Variants in CPNE2 observed in about 807,000 individuals in gnomAD.
CPNE2 encodes the protein copine-2.
Under a neutral mutation model 69.7 loss-of-function variants are expected in CPNE2, and 42 were observed. The observed-to-expected ratio is 0.60, with a 90% CI of 0.47 to 0.78. The LOEUF is 0.78. Among genes scored for constraint, CPNE2 ranks in the 30% least tolerant of loss-of-function variants. The probability of loss-of-function intolerance (pLI) is 0.00; values close to 1 mark genes in which losing one functional copy is unlikely to be tolerated. For synonymous variants in CPNE2, 294 were observed against 289.8 expected, an observed-to-expected ratio of 1.01 and a Z score of -0.15; for missense variants, 587 against 732.0, an observed-to-expected ratio of 0.80 and a Z score of 2.29.
chr16:57,132,881 C>T (rs1449655216), intron 12 of CPNE2, among the ~76,000 whole-genome samples: 1 of 152,050 alleles, frequency 6.6e-6, no homozygotes, highest in Non-Finnish European at 1.5e-5. Context: ...AGATGGACAA[C>T]CTTCCACAGC....
In CPNE2 at chr16:57,146,657, G is replaced by C; in HGVS notation, c.1539+336G>C. 3.9e-6 allele frequency: 1 copy of C among 258,094 alleles called. No homozygotes were observed. The highest frequency in any genetic ancestry group is 7.5e-6 in the Non-Finnish European group (1 of 133,494). The allele number at this position is 258,094 out of a possible 1,614,324, so 16.0% of individuals were successfully genotyped here. A position where few individuals can be genotyped will look rare whatever the true frequency, so the allele number is the denominator to read the frequency against. On this transcript the variant is annotated intron_variant, in intron 15 of 15. Coordinates refer to ENST00000290776, the MANE Select transcript of CPNE2 (RefSeq NM_152727.6). The surrounding 1 kb of genome is among the most constrained non-coding windows in gnomAD (Gnocchi z 4.4). ...GGCTATCCATGTGGTGTAAAGTGCA[G>C]GAGGAGAGAGGGGTTTTCCTGATCA...
Position 57,110,857 on chromosome 16 carries a change from G to A in CPNE2, c.115G>A (p.Asp39Asn), listed in dbSNP as rs779147790. 6.8e-6 allele frequency: 11 copies of A among 1,613,844 alleles called. No homozygotes were observed. Residue 39 changes from aspartate (D) to asparagine (N), a missense_variant, in exon 2 of 16, where the codon GAT becomes AAT. By Grantham distance (23) the Asp-to-Asn change is conservative. This residue lies in a region of CPNE2 where 96 missense variants were observed against 94.9 expected (regional missense o/e 1.01). Coordinates refer to ENST00000290776, the MANE Select transcript of CPNE2 (RefSeq NM_152727.6). ...GAGTGGCCAGAACCTACTGGACCGG[G>A]ATGTTACCTCCAAGTCCGACCCCTT... ...SVSGQNLLDR[D>N]VTSKSDPFCV...
rs547794122 is a variant in CPNE2, at chr16:57,140,050, A to G, written c.1302+2768A>G. Among the ~76,000 whole-genome samples, 73 of 152,306 alleles carry G rather than the reference A, an allele frequency of 4.8e-4. No individual in the cohort carries two copies. The South Asian group carries it at 0.015, about 31-fold the overall frequency. ...AACAGGAAGCGCAGGGCGTGGAGGCAGCACCCGGCCAGAAGGAGCTCAGAG... is the reference window on the plus strand; with the variant it reads ...AACAGGAAGCGCAGGGCGTGGAGGCGGCACCCGGCCAGAAGGAGCTCAGAG... On this transcript the variant is annotated intron_variant, in intron 14 of 15. Transcript: ENST00000290776.
rs570938432 is a variant in CPNE2 at position 57,116,024 on chromosome 16, C to T, written c.435+474C>T. Among the ~76,000 whole-genome samples, 5 of 152,314 alleles carry T rather than the reference C, an allele frequency of 3.3e-5. No individual in the cohort carries two copies. The East Asian group carries it at 9.7e-4, about 29-fold the overall frequency. ...AAGTTCCCTGGGGCAGCTGAGCTAG[C>T]GAGATCGTCCCCTGGTTGTCTGGCT... is the stretch of plus-strand genomic sequence containing the variant. On this transcript the variant is annotated intron_variant, in intron 4 of 15. Transcript: ENST00000290776.
chr16:57,124,294 C>G (rs1157856720), intron 10 of CPNE2: 1 of 423,396 alleles, frequency 2.4e-6, no homozygotes, highest in Non-Finnish European at 4.8e-6. Flanking sequence ...GTTGCCCAGG[C>G]TGGTCTCAAA....
chr16:57,093,866 C>T (rs1205183920), intron 1 of CPNE2: 3 of 350,076 alleles, frequency 8.6e-6, no homozygotes, highest in South Asian at 6.2e-5. Flanking sequence ...GCGGTGTGCG[C>T]AGATTGTAAT....
chr16:57,116,551 C>CTGAA (rs373922362), intron 4 of CPNE2, among the ~76,000 whole-genome samples: 30 of 152,254 alleles, frequency 2.0e-4, no homozygotes, highest in Admixed American at 7.2e-4. Context: ...AACCCCATCT[C>CTGAA]TGAATGAATG....
intron 5 of CPNE2, among the ~76,000 whole-genome samples, chr16:57,118,454 T>A (rs1307712810): frequency 2.6e-5 from 4 of 152,028 alleles, no homozygotes; most frequent in Non-Finnish European, 4.4e-5. Context: ...ATTACAGGCT[T>A]GAGCCACCAT....
chr16:57,119,220 T>C lies in CPNE2; in HGVS notation c.533T>C (p.Phe178Ser), dbSNP rs370738891. 3 of 1,614,058 alleles carry C rather than the reference T, an allele frequency of 1.9e-6. No individual in the cohort carries two copies. The highest frequency in any genetic ancestry group is 2.5e-6 in the Non-Finnish European group (3 of 1,179,988). Residue 178 changes from phenylalanine (F) to serine (S), a missense_variant, in exon 6 of 16, where the codon TTT (phenylalanine) becomes TCT (serine). Physicochemically the swap from Phe to Ser is radical, Grantham distance 155. Around this residue, in one of 5 missense-constraint regions of CPNE2, gnomAD observed 269 missense variants for 300.5 expected, o/e 0.90. Coordinates refer to ENST00000290776, the MANE Select transcript of CPNE2 (RefSeq NM_152727.6). ...KKDLFGKSDP[F>S]LEFYKPGDDG... ...GACCTCTTTGGGAAGTCAGACCCCT[T>C]TCTGGAGTTTTATAAGCCAGGAGAC...
At chr16:57,104,067 C>G (rs2069633045) in intron 1 of CPNE2, among the ~76,000 whole-genome samples, 1 of 152,176 alleles carries the variant, frequency 6.6e-6, no homozygotes, top group Non-Finnish European at 1.5e-5. Context: ...AGGGCACACA[C>G]CACCACGCCC....
At chr16:57,141,375 C>T (rs1258095579) in intron 14 of CPNE2, 1 of 152,308 alleles carries the variant, frequency 6.6e-6, no homozygotes, top group African/African-American at 2.4e-5. Context: ...TTGGTCCTCC[C>T]GGCCTGGGGG....
chr16:57,130,805 C>T lies in CPNE2; in HGVS notation c.1116+2902C>T, dbSNP rs905902485. Among the ~76,000 whole-genome samples the T allele has an allele frequency of 3.3e-5, 5 of 151,520 alleles. No individual in the cohort carries two copies. The highest frequency in any genetic ancestry group is 2.1e-4 in the South Asian group (1 of 4,800). Reference sequence around the variant, plus strand: ...ATCAGCCAGTGTGGCAGTCAGCCAGCGTGGAAGTCAACTGGCTGTGAGGGA... The same window carrying T: ...ATCAGCCAGTGTGGCAGTCAGCCAGTGTGGAAGTCAACTGGCTGTGAGGGA... On this transcript the variant is annotated intron_variant, in intron 12 of 15. Transcript: ENST00000290776. The surrounding 1 kb of genome is among the most constrained non-coding windows in gnomAD (Gnocchi z 4.1).
chr16:57,125,413 TG>T (rs1408960192), intron 10 of CPNE2: 4 of 453,530 alleles, frequency 8.8e-6, no homozygotes, highest in East Asian at 7.0e-5. Context: ...TGGCTTGGGT[TG>T]GGGGTGAGGT....
intron 1 of CPNE2, among the ~76,000 whole-genome samples, chr16:57,098,662 T>TA (rs1489981768): frequency 6.6e-6 from 1 of 152,216 alleles, no homozygotes; most frequent in Non-Finnish European, 1.5e-5. Context: ...TGTGAACCTC[T>TA]AGTCCCGGGC....
rs775368038 is a variant in CPNE2, at chr16:57,121,190, C to T, written c.779C>T (p.Pro260Leu). 2.1e-5 allele frequency: 34 copies of T among 1,613,102 alleles called. No individual in the cohort carries two copies. The African/African-American group carries it at 2.1e-4, about 10-fold the overall frequency. Reference sequence around the variant, plus strand: ...ATGTGTGAGGCTCGAGACAGCGTCCCGGTGAGATGGGCACGTGTACTGTAA... The same window carrying T: ...ATGTGTGAGGCTCGAGACAGCGTCCTGGTGAGATGGGCACGTGTACTGTAA... ...SQMCEARDSV[P>L]LEFECINPKK... The change falls in exon 8 of 16, where the codon CCG becomes CTG. Residue 260 changes from proline (P) to leucine (L), a missense_variant and splice_region_variant. Coordinates refer to ENST00000290776, the MANE Select transcript of CPNE2 (RefSeq NM_152727.6).
chr16:57,106,885 G>C (rs1258122379), intron 1 of CPNE2, among the ~76,000 whole-genome samples: 1 of 152,156 alleles, frequency 6.6e-6, no homozygotes, highest in East Asian at 1.9e-4. Flanking sequence ...AGGCTCCCCT[G>C]GCCTGGCTGA....
intron 11 of CPNE2, 45 bp from the exon 12 acceptor site, chr16:57,127,804 G>A (rs760921110): frequency 5.6e-6 from 9 of 1,599,944 alleles, no homozygotes; most frequent in Admixed American, 1.7e-5. Context: ...GTCGGGTGGT[G>A]TCCTCAGGTG....
Position 57,113,284 on chromosome 16 carries a change from C to T in CPNE2, c.181-4C>T. The T allele has an allele frequency of 6.2e-7, 1 of 1,612,680 alleles. No homozygotes were observed. Among genetic ancestry groups the T allele is most frequent in the Non-Finnish European group, 8.5e-7 (1 of 1,179,062 alleles). On this transcript the variant is annotated splice_polypyrimidine_tract_variant and splice_region_variant and intron_variant, in intron 2 of 15. Transcript: ENST00000290776. Reference sequence around the variant, plus strand: ...TGACTTCCATTTTCCTGCCCCTCTGCTAGTACGACAGGACAGAAACCGCGA... The same window carrying T: ...TGACTTCCATTTTCCTGCCCCTCTGTTAGTACGACAGGACAGAAACCGCGA...
At chr16:57,123,723 CCTT>C (rs1275912888) in intron 10 of CPNE2, 4 of 526,290 alleles carry the variant, frequency 7.6e-6, no homozygotes, top group Non-Finnish European at 1.4e-5. Context: ...TGGCTACACT[CCTT>C]CTGCGGGTGG....
Sources: gnomAD v4.1 joint callset for allele counts (sites outside exome capture counted in the v4.1 genomes callset) on GRCh38, gnomAD v4.1.1 for gene constraint, gnomAD v4.1.1 regional missense constraint, Gnocchi (gnomAD v3.1) non-coding constraint, MANE v1.5 for transcripts, NCBI Gene and HGNC (gene_info 2026-07-23, HGNC 2026-07-21) for gene names.